Variants in VEPH1 observed in about 807,000 individuals in gnomAD.
VEPH1 encodes the protein ventricular zone-expressed PH domain-containing protein homolog 1.
A neutral mutation model predicts 85.2 loss-of-function variants in VEPH1; 80 were observed. The observed-to-expected ratio is 0.94, with a 90% CI of 0.78 to 1.13. The LOEUF is 1.13. Among genes scored for constraint, VEPH1 ranks in the 50% most tolerant of loss-of-function variants. VEPH1 has a pLI of 0.00. For synonymous variants in VEPH1, 297 were observed against 348.0 expected, an observed-to-expected ratio of 0.85 and a Z score of 1.63; for missense variants, 955 against 980.5, an observed-to-expected ratio of 0.97 and a Z score of 0.35.
At chr3:157,346,043 G>T (rs1278783398) in intron 9 of VEPH1, among the ~76,000 whole-genome samples, 1 of 150,544 alleles carries the variant, frequency 6.6e-6, no homozygotes, top group African/African-American at 2.4e-5. Flanking sequence ...GTGGGGGAGG[G>T]GGGAGGGATA....
intron 3 of VEPH1, among the ~76,000 whole-genome samples, chr3:157,465,351 T>A (rs765113550): frequency 6.6e-6 from 1 of 152,206 alleles, no homozygotes; most frequent in Non-Finnish European, 1.5e-5. Context: ...TTAGAAAGCA[T>A]CCAGTGTTAT....
intron 12 of VEPH1, among the ~76,000 whole-genome samples, chr3:157,271,829 C>T (rs770629028): frequency 5.3e-5 from 8 of 151,682 alleles, no homozygotes; most frequent in Admixed American, 2.6e-4. Context: ...TTCAGATATA[C>T]GAGGGAACTT....
chr3:157,409,879 C>G (rs992418119), intron 6 of VEPH1: 18 of 985,272 alleles, frequency 1.8e-5, no homozygotes, highest in African/African-American at 3.5e-5. Flanking sequence ...GGAGACTCTG[C>G]TCTTCTTAAA....
intron 9 of VEPH1, among the ~76,000 whole-genome samples, chr3:157,347,211 C>A (rs937181247): frequency 2.0e-5 from 3 of 151,036 alleles, no homozygotes; most frequent in African/African-American, 7.3e-5. Flanking sequence ...AAAAAAAAAA[C>A]CCATGGTGTA....
intron 6 of VEPH1, among the ~76,000 whole-genome samples, chr3:157,405,357 CG>C: frequency 6.6e-6 from 1 of 152,256 alleles, no homozygotes; most frequent in African/African-American, 2.4e-5. Flanking sequence ...TTTGTCCTTT[CG>C]CCAGCTCTTT....
chr3:157,287,765 G>C (rs1310809212), intron 11 of VEPH1, among the ~76,000 whole-genome samples: 1 of 151,944 alleles, frequency 6.6e-6, no homozygotes, highest in South Asian at 2.1e-4. Context: ...GGGTTATGCC[G>C]TGTTGGCCAG....
At chr3:157,280,062 A>T (rs1715903128) in intron 12 of VEPH1, among the ~76,000 whole-genome samples, 1 of 150,370 alleles carries the variant, frequency 6.7e-6, no homozygotes, top group East Asian at 1.9e-4. Flanking sequence ...TATTTCTTTT[A>T]AATAGGTGTA....
chr3:157,308,220 G>T (rs1419931244), intron 11 of VEPH1, among the ~76,000 whole-genome samples: 1 of 151,048 alleles, frequency 6.6e-6, no homozygotes, highest in Non-Finnish European at 1.5e-5. Context: ...AACTGCTTTT[G>T]TCTCCCTGCA....
At chr3:157,426,279 A>G (rs192008896) in intron 5 of VEPH1, among the ~76,000 whole-genome samples, 1 of 152,324 alleles carries the variant, frequency 6.6e-6, no homozygotes, top group Admixed American at 6.5e-5. Context: ...CTAGGGGTAG[A>G]GCATGCATCC....
intron 3 of VEPH1, among the ~76,000 whole-genome samples, chr3:157,461,248 GCTTT>G (rs1164400983): frequency 1.3e-5 from 2 of 151,894 alleles, no homozygotes; most frequent in South Asian, 2.1e-4. Flanking sequence ...AATACAAATT[GCTTT>G]CTTTTTTTTT....
intron 2 of VEPH1, among the ~76,000 whole-genome samples, chr3:157,476,487 A>G (rs946701168): frequency 3.3e-5 from 5 of 152,016 alleles, no homozygotes; most frequent in Non-Finnish European, 5.9e-5. Flanking sequence ...GCACATAATC[A>G]TGGGACTCAC....
chr3:157,376,228 T>G (rs551874235), intron 7 of VEPH1, among the ~76,000 whole-genome samples: 3 of 152,278 alleles, frequency 2.0e-5, no homozygotes, highest in East Asian at 3.9e-4. Flanking sequence ...GTGCCTAACC[T>G]CCTACTAAGA....
In VEPH1 at chr3:157,286,550, C is replaced by G. The variant is rs745554652; in HGVS notation, c.2128+7G>C. 8.7e-6 allele frequency: 14 copies of G among 1,611,306 alleles called. No homozygotes were observed. The African/African-American group carries it at 1.9e-4, about 22-fold the overall frequency. ...ATGGTTCTTAGCAGCAGGTAAGGGT[C>G]TCTCACCAGTTGCTTTCTCAGGATT... On this transcript the variant is annotated splice_region_variant and intron_variant, in intron 12 of 13. Transcript: ENST00000362010.
At chr3:157,272,710 A>G (rs1308702610) in intron 12 of VEPH1, among the ~76,000 whole-genome samples, 1 of 151,990 alleles carries the variant, frequency 6.6e-6, no homozygotes, top group Non-Finnish European at 1.5e-5. Flanking sequence ...CAATCTGCCC[A>G]CCTTAGCTTC....
At chr3:157,447,870 C>T in intron 4 of VEPH1, among the ~76,000 whole-genome samples, 1 of 152,128 alleles carries the variant, frequency 6.6e-6, no homozygotes, top group East Asian at 1.9e-4. Context: ...GCTGGAATTA[C>T]AGGCATGAGC....
chr3:157,306,537 G>C (rs1050101416), intron 11 of VEPH1, among the ~76,000 whole-genome samples: 3 of 150,744 alleles, frequency 2.0e-5, no homozygotes, highest in Non-Finnish European at 4.4e-5. Flanking sequence ...ATACCACAAC[G>C]TTTTTTTTCC....
At chr3:157,388,027 C>T (rs771693711) in intron 6 of VEPH1, among the ~76,000 whole-genome samples, 19 of 152,070 alleles carry the variant, frequency 1.2e-4, no homozygotes, top group Admixed American at 3.9e-4. Flanking sequence ...ATATTAGTTG[C>T]CTGAATGAAA....
At chr3:157,413,130 A>T (rs937963118) in intron 6 of VEPH1, among the ~76,000 whole-genome samples, 25 of 152,282 alleles carry the variant, frequency 1.6e-4, no homozygotes, top group Non-Finnish European at 2.9e-4. Context: ...CTCTCAGTCA[A>T]TTATAGATTT....
At chr3:157,326,554 C>T in intron 9 of VEPH1, among the ~76,000 whole-genome samples, 1 of 152,114 alleles carries the variant, frequency 6.6e-6, no homozygotes, top group Non-Finnish European at 1.5e-5. Context: ...ATTGTAGGAC[C>T]TGTAGTATGA....
Sources: gnomAD v4.1 joint callset for allele counts (sites outside exome capture counted in the v4.1 genomes callset) on GRCh38, gnomAD v4.1.1 for gene constraint, MANE v1.5 for transcripts, NCBI Gene and HGNC (gene_info 2026-07-23, HGNC 2026-07-21) for gene names.